The following CDK11B variants were observed in gnomAD, a reference collection of about 807,000 sequenced individuals.
CDK11B encodes the protein cyclin-dependent kinase 11B.
CDK11B carries 37 observed loss-of-function variants against 84.0 expected under a neutral mutation model. The observed-to-expected ratio is 0.44, with a 90% CI of 0.34 to 0.58. The LOEUF (loss-of-function observed/expected upper bound fraction) is 0.58, where lower values mean the gene tolerates loss of function less well. Ranked by LOEUF, CDK11B falls within the 20% of genes least tolerant of loss-of-function variation. The pLI is 0.02. For synonymous variants in CDK11B, 269 were observed against 309.8 expected, an observed-to-expected ratio of 0.87 and a Z score of 1.38; for missense variants, 427 against 834.0, an observed-to-expected ratio of 0.51 and a Z score of 6.01.
At chr1:1,649,445 G>T in intron 5 of CDK11B, 54 bp downstream of exon 5, 1 of 1,304,884 alleles carries the variant, frequency 7.7e-7, no homozygotes, top group Non-Finnish European at 1.1e-6. Flanking sequence ...TTCTAGGATG[G>T]GACACACTAC....
intron 4 of CDK11B, among the ~76,000 whole-genome samples, chr1:1,650,663 C>A (rs1215770803): frequency 9.0e-6 from 1 of 110,982 alleles, no homozygotes; most frequent in Non-Finnish European, 1.9e-5. Flanking sequence ...CCGCGCCCGG[C>A]CTTTTTTTTT....
At chr1:1,652,690 T>C (rs1642162629) in intron 3 of CDK11B, 124 bp from the exon 4 acceptor site, 2 of 685,778 alleles carry the variant, frequency 2.9e-6, no homozygotes, top group Non-Finnish European at 4.5e-6. Flanking sequence ...TGAAACATCA[T>C]TTAAAAAATT....
intron 1 of CDK11B, among the ~76,000 whole-genome samples, chr1:1,658,075 G>A (rs891860745): frequency 6.8e-6 from 1 of 147,834 alleles, no homozygotes; most frequent in Non-Finnish European, 1.5e-5. Flanking sequence ...TCGGGAGGCC[G>A]AGGCAGCAGA....
rs181173407 is a variant in CDK11B, at chr1:1,637,066, C to T, written c.1692+15G>A. On this transcript the variant is annotated intron_variant, in intron 15 of 19. Coordinates refer to ENST00000341832, the MANE Select transcript of CDK11B (RefSeq NM_033486.3). ...GCAGGTCTCCCTGGGATGGGCCACTCGGAGGGGGGCTCACCTTGAGGATGC... is the reference window on the plus strand; with the variant it reads ...GCAGGTCTCCCTGGGATGGGCCACTTGGAGGGGGGCTCACCTTGAGGATGC... 8.2e-5 allele frequency: 133 copies of T among 1,613,484 alleles called. No homozygotes were observed. The highest frequency in any genetic ancestry group is 8.0e-4 in the South Asian group (73 of 91,068).
Position 1,637,209 on chromosome 1 carries a change from G to A in CDK11B, c.1571-7C>T, listed in dbSNP as rs1468233879. The stretch of plus-strand genomic sequence containing the variant: ...ATCAGGGTCTTCACCTCCCCTGGGA[G>A]GGAGGGAAGCTCCCATGTGGACCTG... On this transcript the variant is annotated splice_polypyrimidine_tract_variant and splice_region_variant and intron_variant, in intron 14 of 19. Transcript: ENST00000341832. 3 of 1,612,896 alleles carry A rather than the reference G, an allele frequency of 1.9e-6. No homozygotes were observed. The highest frequency in any genetic ancestry group is 1.1e-5 in the South Asian group (1 of 91,014).
chr1:1,652,719 T>C (rs1314573106), intron 3 of CDK11B, among the ~76,000 whole-genome samples, 153 bp from the exon 4 acceptor site: 1 of 152,176 alleles, frequency 6.6e-6, no homozygotes, highest in Non-Finnish European at 1.5e-5. Context: ...TCTCCAACTT[T>C]AGGCATCTTT....
At chr1:1,650,656 C>T (rs1382141291) in intron 4 of CDK11B, among the ~76,000 whole-genome samples, 24 of 139,348 alleles carry the variant, frequency 1.7e-4, no homozygotes, top group Admixed American at 9.6e-4. Flanking sequence ...TGAGCCACCG[C>T]GCCCGGCCTT....
At chr1:1,653,825 T>TACACACACACACACAC (rs782129056) in intron 3 of CDK11B, among the ~76,000 whole-genome samples, 72 of 121,872 alleles carry the variant, frequency 5.9e-4, no homozygotes, top group African/African-American at 1.8e-3. Context: ...CTACTAAAAA[T>TACACACACACACACAC]ACACACACAC....
At chr1:1,651,488 T>C (rs1410844563) in intron 4 of CDK11B, among the ~76,000 whole-genome samples, 5 of 146,854 alleles carry the variant, frequency 3.4e-5, no homozygotes, top group African/African-American at 1.3e-4. Context: ...CCCCTCTGAA[T>C]GGTCTGTGAC....
At chr1:1,655,004 C>G (rs1296760148) in intron 3 of CDK11B, among the ~76,000 whole-genome samples, 2 of 152,076 alleles carry the variant, frequency 1.3e-5, no homozygotes, top group East Asian at 1.9e-4. Context: ...CTAGACTGGT[C>G]TCGAACTCCT....
At position 1,653,510 on chromosome 1, in the gene CDK11B, G is replaced by A. The variant is rs569711676; in HGVS notation, c.228-944C>T. On this transcript the variant is annotated intron_variant, in intron 3 of 19. Coordinates refer to ENST00000341832, the MANE Select transcript of CDK11B (RefSeq NM_033486.3). Reference sequence around the variant, plus strand: ...TAATTTTTGTATTTGTAGTAGAGACGGGCTTTCACCATGTTGGCCAGGCTG... The same window carrying A: ...TAATTTTTGTATTTGTAGTAGAGACAGGCTTTCACCATGTTGGCCAGGCTG... Among the ~76,000 whole-genome samples, 43 of 151,712 alleles carry A rather than the reference G, an allele frequency of 2.8e-4. 1 individual carries two copies. Among genetic ancestry groups the A allele is most frequent in the Non-Finnish European group, 2.2e-4 (15 of 67,908 alleles).
chr1:1,637,696 G>C, intron 13 of CDK11B, 66 bp downstream of exon 13: 2 of 1,612,984 alleles, frequency 1.2e-6, no homozygotes, highest in Non-Finnish European at 1.7e-6. Context: ...CCCGGCCCCA[G>C]GACAGCACGG....
At chr1:1,650,094 C>A (rs1328892258) in intron 4 of CDK11B, among the ~76,000 whole-genome samples, 1 of 150,512 alleles carries the variant, frequency 6.6e-6, no homozygotes, top group East Asian at 2.0e-4. Context: ...CACGGTGAAA[C>A]CCCATCTCTA....
Position 1,636,944 on chromosome 1 carries a change from C to T in CDK11B, c.1753G>A (p.Val585Met), listed in dbSNP as rs1639412349. ...GSPLKAYTPV[V>M]VTLWYRAPEL... Reference sequence around the variant, plus strand: ...GGGGCGCGGTACCACAGGGTCACCACGACCGGGGTGTAGGCCTTCAGAGGG... The same window carrying T: ...GGGGCGCGGTACCACAGGGTCACCATGACCGGGGTGTAGGCCTTCAGAGGG... The change falls in exon 16 of 20, where the codon GTG becomes ATG. Residue 585 changes from valine to methionine, a missense_variant. Coordinates refer to ENST00000341832, the MANE Select transcript of CDK11B (RefSeq NM_033486.3). 7 of 1,607,912 alleles carry T rather than the reference C, an allele frequency of 4.4e-6. No individual in the cohort carries two copies. Among genetic ancestry groups the T allele is most frequent in the Non-Finnish European group, 6.0e-6 (7 of 1,176,318 alleles).
At chr1:1,653,838 ACACACACACACACACACACACACAC>A (rs1642349515) in intron 3 of CDK11B, among the ~76,000 whole-genome samples, 1 of 147,812 alleles carries the variant, frequency 6.8e-6, no homozygotes, top group African/African-American at 2.5e-5. Context: ...ACACACACAC[ACACACACACACACACACACACACAC>A]CCGAGCGTGG....
At chr1:1,639,403 A>G (rs1302301707) in intron 11 of CDK11B, among the ~76,000 whole-genome samples, 2 of 151,330 alleles carry the variant, frequency 1.3e-5, no homozygotes, top group Non-Finnish European at 2.9e-5. Context: ...GGTGACAGAG[A>G]CAGACCCAGT....
intron 4 of CDK11B, among the ~76,000 whole-genome samples, chr1:1,649,875 C>T (rs1312453321): frequency 6.7e-6 from 1 of 149,142 alleles, no homozygotes; most frequent in Non-Finnish European, 1.5e-5. Flanking sequence ...CTAAGCGAGG[C>T]TGAGGCAGAA....
rs773696333 is a variant in CDK11B, at chr1:1,636,786, C to G, written c.1813G>C (p.Ala605Pro). The change falls in exon 17 of 20, where the codon GCC becomes CCC. Residue 605 changes from alanine (A) to proline (P), a missense_variant. Ala to Pro is a conservative substitution (Grantham distance 27). Coordinates refer to ENST00000341832, the MANE Select transcript of CDK11B (RefSeq NM_033486.3). ...CAACCCACTGACCACATGTCCACGGCCGTGGAGTATTCCTAAGAGGTCAGG... is the reference window on the plus strand; with the variant it reads ...CAACCCACTGACCACATGTCCACGGGCGTGGAGTATTCCTAAGAGGTCAGG... ...LLLGAKEYST[A>P]VDMWSVGCIF... is the part of the protein sequence containing the mutation. The G allele has an allele frequency of 6.2e-7, 1 of 1,613,882 alleles. No individual in the cohort carries two copies. The highest frequency in any genetic ancestry group is 8.5e-7 in the Non-Finnish European group (1 of 1,179,856).
chr1:1,649,841 G>A (rs1641658848), intron 4 of CDK11B, among the ~76,000 whole-genome samples: 1 of 151,622 alleles, frequency 6.6e-6, no homozygotes, highest in Non-Finnish European at 1.5e-5. Context: ...TGGGCGTGGT[G>A]GCAGGCACCT....
Sources: allele counts gnomAD v4.1 joint callset (sites outside exome capture counted in the v4.1 genomes callset), GRCh38; gene constraint gnomAD v4.1.1; transcripts MANE v1.5; gene names NCBI Gene and HGNC (gene_info 2026-07-23, HGNC 2026-07-21).